KIDINS220: variants seen among roughly 807,000 people sequenced by gnomAD.
KIDINS220 encodes the protein kinase D-interacting substrate of 220 kDa.
Under a neutral mutation model 157.6 loss-of-function variants are expected in KIDINS220, and 63 were observed. The observed-to-expected ratio is 0.40, with a 90% CI of 0.33 to 0.49. The LOEUF is 0.49. Among genes scored for constraint, KIDINS220 ranks in the 20% least tolerant of loss-of-function variants. The probability of loss-of-function intolerance (pLI) is 0.66; values close to 1 mark genes in which losing one functional copy is unlikely to be tolerated. For synonymous variants in KIDINS220, 732 were observed against 783.6 expected (o/e 0.93, Z 1.10); for missense variants, 1,772 against 2,171.2 (o/e 0.82, Z 3.65).
At chr2:8,799,596 T>G (rs1674419258) in intron 9 of KIDINS220, among the ~76,000 whole-genome samples, 1 of 152,224 alleles carries the variant, frequency 6.6e-6, no homozygotes, top group Non-Finnish European at 1.5e-5. Context: ...TCACTTTTTA[T>G]GTTAAAAGCA....
intron 22 of KIDINS220, among the ~76,000 whole-genome samples, chr2:8,768,665 A>G (rs990364119): frequency 6.6e-6 from 1 of 152,208 alleles, no homozygotes; most frequent in Non-Finnish European, 1.5e-5. Flanking sequence ...CAACAAATGA[A>G]TATCAATTAC....
chr2:8,807,467 T>C (rs1043278711), intron 6 of KIDINS220, among the ~76,000 whole-genome samples: 1 of 152,230 alleles, frequency 6.6e-6, no homozygotes, highest in Non-Finnish European at 1.5e-5. Flanking sequence ...CAGTAGTCAC[T>C]AGTCAAATAA....
intron 22 of KIDINS220, among the ~76,000 whole-genome samples, chr2:8,769,621 TAA>T (rs775922142): frequency 2.0e-5 from 3 of 152,228 alleles, no homozygotes; most frequent in Non-Finnish European, 4.4e-5. Context: ...TAAATATTTT[TAA>T]AACTTAAGTT....
At chr2:8,769,280 T>G (rs919173348) in intron 22 of KIDINS220, among the ~76,000 whole-genome samples, 1 of 152,200 alleles carries the variant, frequency 6.6e-6, no homozygotes, top group South Asian at 2.1e-4. Flanking sequence ...AGTTCTCCTG[T>G]GCCCAAGTTT....
intron 11 of KIDINS220, among the ~76,000 whole-genome samples, chr2:8,796,399 C>A (rs1460616207): frequency 2.0e-5 from 3 of 152,170 alleles, no homozygotes; most frequent in Non-Finnish European, 4.4e-5. Flanking sequence ...TGACTCCTGT[C>A]AGTGAACATT....
At chr2:8,761,865 A>T (rs1020467816) in intron 22 of KIDINS220, among the ~76,000 whole-genome samples, 5 of 152,174 alleles carry the variant, frequency 3.3e-5, no homozygotes, top group Non-Finnish European at 7.4e-5. Context: ...TTTTTGTTAC[A>T]AATCACTTTT....
intron 26 of KIDINS220, chr2:8,746,891 T>A: frequency 4.6e-6 from 2 of 432,076 alleles, no homozygotes; most frequent in Non-Finnish European, 8.2e-6. Context: ...CCTTCCTTAT[T>A]GAAGAATAAA....
chr2:8,736,441 G>A (rs934506), intron 27 of KIDINS220, among the ~76,000 whole-genome samples: 1 of 152,114 alleles, frequency 6.6e-6, no homozygotes, highest in African/African-American at 2.4e-5. Context: ...ATGAGAATTT[G>A]GAGAAAATGA....
downstream of KIDINS220, chr2:8,721,503 G>A (rs1184634337): frequency 2.6e-5 from 4 of 152,146 alleles, no homozygotes; most frequent in Non-Finnish European, 5.9e-5. Flanking sequence ...AATTCACATG[G>A]CTATAGATTT....
At position 8,733,783 on chromosome 2, in the gene KIDINS220, A is replaced by G. The variant is rs925576393; in HGVS notation, c.3817-103T>C. 20 of 720,750 alleles carry G rather than the reference A, an allele frequency of 2.8e-5. No individual in the cohort carries two copies. In the African/African-American group the frequency reaches 3.2e-4, roughly 12 times the overall value. 44.6% of individuals were successfully genotyped at this position (720,750 alleles called of 1,614,324 possible). A position where few individuals can be genotyped will look rare whatever the true frequency, so the allele number is the denominator to read the frequency against. On this transcript the variant is annotated intron_variant, in intron 28 of 29. Transcript: ENST00000256707. ...ACATTATAAAGCTATTGCAACAGCA[A>G]TGAGAAAGCATACTTCTGGTAAGTG...
At chr2:8,744,385 AAAAATATATATATATAAT>A (rs1666177117) in intron 26 of KIDINS220, among the ~76,000 whole-genome samples, 5 of 28,046 alleles carry the variant, frequency 1.8e-4, no homozygotes, top group African/African-American at 7.0e-4. Flanking sequence ...AAAAAAAAAA[AAAAATATATATATATAAT>A]ATATATATAT....
intron 8 of KIDINS220, among the ~76,000 whole-genome samples, chr2:8,801,767 G>A (rs1054659777): frequency 1.1e-4 from 16 of 152,080 alleles, no homozygotes; most frequent in South Asian, 2.1e-4. Flanking sequence ...TTAGCCAGGC[G>A]TGGTGGCATG....
chr2:8,806,694 C>T (rs1310853885), intron 6 of KIDINS220, among the ~76,000 whole-genome samples: 1 of 152,202 alleles, frequency 6.6e-6, no homozygotes, highest in African/African-American at 2.4e-5. Context: ...ATTCTCCTGC[C>T]TCAGCCTCCT....
intron 22 of KIDINS220, among the ~76,000 whole-genome samples, chr2:8,766,415 AC>A (rs1234083120): frequency 2.0e-5 from 3 of 152,202 alleles, no homozygotes; most frequent in Non-Finnish European, 4.4e-5. Flanking sequence ...CAGAACCTGC[AC>A]TACTCTTCAT....
In KIDINS220 at chr2:8,730,593, T is replaced by G; in HGVS notation, c.*127A>C. On this transcript the variant is annotated 3_prime_UTR_variant, in exon 30 of 30. Coordinates refer to ENST00000256707, the MANE Select transcript of KIDINS220 (RefSeq NM_020738.4). ...TCACACTGCAGATGTCTCTTTTACC[T>G]CGGCCTCATCATCGGTTAGTTATCT... is the stretch of plus-strand genomic sequence containing the variant. 1 of 1,444,260 alleles carries G rather than the reference T, an allele frequency of 6.9e-7. No homozygotes were observed. Among genetic ancestry groups the G allele is most frequent in the East Asian group, 2.5e-5 (1 of 40,558 alleles). 89.5% of individuals were successfully genotyped at this position (1,444,260 alleles called of 1,614,324 possible). A position where few individuals can be genotyped will look rare whatever the true frequency, so the allele number is the denominator to read the frequency against.
At chr2:8,776,980 CA>C (rs570854719) in intron 20 of KIDINS220, 88 bp from the exon 21 acceptor site, 7,543 of 1,224,978 alleles carry the variant, frequency 6.2e-3, no homozygotes, top group South Asian at 9.5e-3. Flanking sequence ...ATGTTTATAA[CA>C]AAAAAAAAAT....
chr2:8,730,023 A>T lies in KIDINS220; in HGVS notation c.*697T>A. On this transcript the variant is annotated 3_prime_UTR_variant, in exon 30 of 30. Transcript: ENST00000256707. ...GCCAGGCCTGGGATTTGGAGAGAAG[A>T]GTTTCCGACATATAAACCCACGGAG... The T allele has an allele frequency of 1.0e-6, 1 of 985,410 alleles. No homozygotes were observed. Among genetic ancestry groups the T allele is most frequent in the Non-Finnish European group, 1.2e-6 (1 of 829,962 alleles). The allele number at this position is 985,410 out of a possible 1,614,324, so 61.0% of individuals were successfully genotyped here. A position where few individuals can be genotyped will look rare whatever the true frequency, so the allele number is the denominator to read the frequency against.
At chr2:8,768,619 T>A (rs1669778298) in intron 22 of KIDINS220, among the ~76,000 whole-genome samples, 2 of 152,194 alleles carry the variant, frequency 1.3e-5, no homozygotes, top group South Asian at 4.1e-4. Context: ...AAATACTATT[T>A]TCTGATTGTT....
chr2:8,823,454 C>A (rs1001773467), intron 2 of KIDINS220, among the ~76,000 whole-genome samples: 9 of 139,864 alleles, frequency 6.4e-5, no homozygotes, highest in Non-Finnish European at 7.7e-5. Flanking sequence ...AAAAAAAATA[C>A]CAACTTTTAC....
Sources: allele counts gnomAD v4.1 joint callset (sites outside exome capture counted in the v4.1 genomes callset), GRCh38; gene constraint gnomAD v4.1.1; transcripts MANE v1.5; gene names NCBI Gene and HGNC (gene_info 2026-07-23, HGNC 2026-07-21).